The following DSG1 variants were observed in gnomAD, a reference collection of about 807,000 sequenced individuals.
DSG1 encodes the protein desmoglein 1, also known as desmoglein-1.
Under a neutral mutation model 97.5 loss-of-function variants are expected in DSG1, and 39 were observed. The ratio of observed to expected loss-of-function variants is 0.40; its 90% CI spans 0.31 to 0.52. The LOEUF is 0.52. DSG1 is among the 20% of genes least tolerant of loss of function. The pLI is 0.53. For missense variants in DSG1, 1,311 were observed against 1,295.4 expected, an observed-to-expected ratio of 1.01 and a Z score of -0.18; for synonymous variants, 475 against 443.4, an observed-to-expected ratio of 1.07 and a Z score of -0.90.
rs768723235 is a variant in DSG1, at chr18:31,343,445, A to T, written c.1688-5A>T. The T allele has an allele frequency of 3.7e-6, 6 of 1,613,880 alleles. No homozygotes were observed. In the East Asian group the frequency reaches 1.1e-4, roughly 30 times the overall value. ...ACTCTAGTATTACTATCCCTCCACC[A>T]CCAGTGGTCCCATTTTTGATGATCT... On this transcript the variant is annotated splice_region_variant and splice_polypyrimidine_tract_variant and intron_variant, in intron 11 of 14. Transcript: ENST00000257192.
intron 9 of DSG1, 74 bp from the exon 10 acceptor site, chr18:31,338,241 A>C (rs954638437): frequency 2.0e-6 from 3 of 1,464,848 alleles, no homozygotes; most frequent in Non-Finnish European, 2.8e-6. Flanking sequence ...ACTGAAAAAA[A>C]CAATACATTT....
chr18:31,349,449 G>T lies in DSG1; in HGVS notation c.2100+3251G>T, dbSNP rs191512883. On this transcript the variant is annotated intron_variant, in intron 14 of 14. Coordinates refer to ENST00000257192, the MANE Select transcript of DSG1 (RefSeq NM_001942.4). ...GCTTAGGATTGACGTGGCGATGCGG[G>T]CTCCTTTTTTGGTTCCATATGAACT... is the stretch of plus-strand genomic sequence containing the variant. Among the ~76,000 whole-genome samples the T allele has an allele frequency of 2.9e-3, 439 of 151,248 alleles. 5 individuals carry two copies. Among genetic ancestry groups the T allele is most frequent in the Non-Finnish European group, 2.6e-3 (179 of 68,022 alleles).
At chr18:31,323,487 C>A (rs1246551489) in intron 1 of DSG1, among the ~76,000 whole-genome samples, 1 of 152,136 alleles carries the variant, frequency 6.6e-6, no homozygotes. Flanking sequence ...TTGCCTTTGT[C>A]TTTGAGGTCC....
At chr18:31,337,732 G>GAA (rs943270856) in intron 9 of DSG1, among the ~76,000 whole-genome samples, 1 of 152,150 alleles carries the variant, frequency 6.6e-6, no homozygotes, top group Admixed American at 6.6e-5. Flanking sequence ...GAGAGAGAGA[G>GAA]AATTACCTAA....
Position 31,334,152 on chromosome 18 carries a change from G to T in DSG1, c.955G>T (p.Glu319Ter). 6.2e-7 allele frequency: 1 copy of T among 1,609,194 alleles called. No individual in the cohort carries two copies. Among genetic ancestry groups the T allele is most frequent in the South Asian group, 1.1e-5 (1 of 90,938 alleles). ...CTCTGGAAATGAAGGAAATTGGTTT[G>T]AGATAGAAATGAATGAAAGAACAAA... ...FISGNEGNWFEIEMNERTNVG... is the reference protein window; with the variant it reads ...FISGNEGNWF Residue 319 changes from glutamate (E) to a stop codon, truncating the protein, a stop_gained, in exon 8 of 15, where the codon GAG becomes TAG. Transcript: ENST00000257192. LOFTEE classifies it high-confidence loss of function.
chr18:31,345,946 T>C (rs773714773), intron 13 of DSG1, 44 bp from the exon 14 acceptor site: 1 of 1,536,198 alleles, frequency 6.5e-7, no homozygotes, highest in South Asian at 1.1e-5. Context: ...TTTTAGTTTA[T>C]GATAGACTAA....
At chr18:31,325,063 T>C (rs969749926) in intron 1 of DSG1, among the ~76,000 whole-genome samples, 1 of 152,204 alleles carries the variant, frequency 6.6e-6, no homozygotes, top group African/African-American at 2.4e-5. Flanking sequence ...CTATTTTGCC[T>C]TTGAAAGTCC....
chr18:31,339,716 A>T lies in DSG1; in HGVS notation c.1406-28A>T, dbSNP rs1489990520. 2.6e-6 allele frequency: 4 copies of T among 1,555,394 alleles called. No individual in the cohort carries two copies. The African/African-American group carries it at 5.4e-5, about 21-fold the overall frequency. On this transcript the variant is annotated intron_variant, in intron 10 of 14. Transcript: ENST00000257192. ...CATTCCTACACTAAATGTCTAAAAT[A>T]TTTCTTCCATTTTGAACGTTATTAC...
chr18:31,323,478 T>C (rs1339759238), intron 1 of DSG1, among the ~76,000 whole-genome samples: 1 of 152,184 alleles, frequency 6.6e-6, no homozygotes, highest in Non-Finnish European at 1.5e-5. Flanking sequence ...TATCTTTCCT[T>C]GCCTTTGTCT....
chr18:31,358,444 G>T lies in DSG1; in HGVS notation c.*3098G>T, dbSNP rs182556781. Among the ~76,000 whole-genome samples the T allele has an allele frequency of 3.3e-3, 499 of 152,120 alleles. 3 individuals are homozygous for T. The highest frequency in any genetic ancestry group is 0.011 in the African/African-American group (474 of 41,566). ...ATCTAGACATCTGTTCTACATTTGTGTATAAAGTTTTTAGCATCATAATTT... is the reference window on the plus strand; with the variant it reads ...ATCTAGACATCTGTTCTACATTTGTTTATAAAGTTTTTAGCATCATAATTT... On this transcript the variant is annotated 3_prime_UTR_variant, in exon 15 of 15. Coordinates refer to ENST00000257192, the MANE Select transcript of DSG1 (RefSeq NM_001942.4).
intron 1 of DSG1, among the ~76,000 whole-genome samples, chr18:31,326,151 G>T (rs978799478): frequency 1.3e-5 from 2 of 151,682 alleles, no homozygotes; most frequent in African/African-American, 4.8e-5. Flanking sequence ...GAGACATTAA[G>T]TTCATATTTT....
intron 8 of DSG1, among the ~76,000 whole-genome samples, chr18:31,334,770 G>A (rs1417669034): frequency 6.6e-6 from 1 of 152,052 alleles, no homozygotes; most frequent in Non-Finnish European, 1.5e-5. Flanking sequence ...AAGTCAACCG[G>A]TCCAGAACAA....
intron 14 of DSG1, among the ~76,000 whole-genome samples, chr18:31,352,486 C>T (rs2071906935): frequency 6.6e-6 from 1 of 150,400 alleles, no homozygotes; most frequent in Non-Finnish European, 1.5e-5. Context: ...TTGTGGCATT[C>T]TCTGTATTTT....
chr18:31,338,977 T>A (rs2071771913), intron 10 of DSG1, among the ~76,000 whole-genome samples: 1 of 152,162 alleles, frequency 6.6e-6, no homozygotes, highest in African/African-American at 2.4e-5. Context: ...TAGGGTTACA[T>A]CGATTAATAA....
chr18:31,321,606 G>A (rs1459979258), intron 1 of DSG1, among the ~76,000 whole-genome samples: 32 of 152,154 alleles, frequency 2.1e-4, no homozygotes, highest in Admixed American at 2.0e-3. Context: ...GAAACAAGGA[G>A]TACACATTTA....
intron 9 of DSG1, among the ~76,000 whole-genome samples, chr18:31,337,049 C>T (rs2071760013): frequency 6.6e-6 from 1 of 152,136 alleles, no homozygotes; most frequent in Non-Finnish European, 1.5e-5. Context: ...TGGTCAATAA[C>T]GCTGGTGTGA....
intron 4 of DSG1, among the ~76,000 whole-genome samples, 197 bp downstream of exon 4, chr18:31,328,541 C>T (rs2071700923): frequency 1.3e-5 from 2 of 152,178 alleles, no homozygotes; most frequent in Admixed American, 6.5e-5. Context: ...TAAGTGTCAG[C>T]AAAAATGCTA....
intron 1 of DSG1, 150 bp from the exon 2 acceptor site, chr18:31,326,431 T>C: frequency 1.6e-6 from 1 of 638,764 alleles, no homozygotes; most frequent in Non-Finnish European, 2.7e-6. Context: ...ACCCAAGACA[T>C]AAACCAAATC....
chr18:31,352,663 T>C (rs2071908931), intron 14 of DSG1, among the ~76,000 whole-genome samples: 1 of 148,574 alleles, frequency 6.7e-6, no homozygotes, highest in African/African-American at 2.6e-5. Flanking sequence ...GAGGCTTTGC[T>C]CATTTCTTTT....
Sources: gnomAD v4.1 joint callset for allele counts (sites outside exome capture counted in the v4.1 genomes callset) on GRCh38, gnomAD v4.1.1 for gene constraint, MANE v1.5 for transcripts, NCBI Gene and HGNC (gene_info 2026-07-23, HGNC 2026-07-21) for gene names.